Variants in HDGFL1 observed in about 807,000 individuals in gnomAD.
HDGFL1 encodes hepatoma-derived growth factor-like protein 1.
For missense variants in HDGFL1, 422 were observed against 365.3 expected, an observed-to-expected ratio of 1.16 and a Z score of -1.27; for synonymous variants, 190 against 165.1, an observed-to-expected ratio of 1.15 and a Z score of -1.16.
Position 22,571,617 on chromosome 6 carries a change from A to C in HDGFL1, c.*1286A>C, listed in dbSNP as rs185443030. 1 of 167,080 alleles carries C rather than the reference A, an allele frequency of 6.0e-6. No homozygotes were observed. Among genetic ancestry groups the C allele is most frequent in the Non-Finnish European group, 1.5e-5 (1 of 68,120 alleles). 10.3% of individuals were successfully genotyped at this position (167,080 alleles called of 1,614,324 possible). A position where few individuals can be genotyped will look rare whatever the true frequency, so the allele number is the denominator to read the frequency against. On this transcript the variant is annotated 3_prime_UTR_variant, in exon 1 of 1. Transcript: ENST00000510882. The stretch of plus-strand genomic sequence containing the variant: ...TTTCGGAAGTTTGATCTGAGAACCA[A>C]CCATAGAATGTTTCAGTTCTAGGAA...
chr6:22,569,584 C>T lies in HDGFL1; in HGVS notation c.9C>T (p.Ala3=). The part of the protein sequence containing the change: MS[A]YGMPMYKSGD... ...GGTCCGCAGAACCAGCTATGTCGGCCTACGGCATGCCCATGTACAAGAGCG... is the reference window on the plus strand; with the variant it reads ...GGTCCGCAGAACCAGCTATGTCGGCTTACGGCATGCCCATGTACAAGAGCG... The change falls in exon 1 of 1, where the codon GCC becomes GCT. Residue 3 remains alanine, a synonymous_variant. Coordinates refer to ENST00000510882, the MANE Select transcript of HDGFL1 (RefSeq NM_138574.4). 6.2e-7 allele frequency: 1 copy of T among 1,613,320 alleles called. No homozygotes were observed. The highest frequency in any genetic ancestry group is 8.5e-7 in the Non-Finnish European group (1 of 1,179,472).
In HDGFL1 at chr6:22,570,460, G is replaced by A. The variant is rs978613976; in HGVS notation, c.*129G>A. On this transcript the variant is annotated 3_prime_UTR_variant, in exon 1 of 1. Transcript: ENST00000510882. ...CTCAGCCCGTCCTCCTCCAACCCGCGCTCCTTTGCCCTGCCGGGCCCCAGG... is the reference window on the plus strand; with the variant it reads ...CTCAGCCCGTCCTCCTCCAACCCGCACTCCTTTGCCCTGCCGGGCCCCAGG... The A allele has an allele frequency of 4.9e-6, 5 of 1,025,542 alleles. No homozygotes were observed. The highest frequency in any genetic ancestry group is 3.3e-4 in the Middle Eastern group (1 of 3,042). 63.5% of individuals were successfully genotyped at this position (1,025,542 alleles called of 1,614,324 possible). A position where few individuals can be genotyped will look rare whatever the true frequency, so the allele number is the denominator to read the frequency against.
In HDGFL1 at chr6:22,571,127, G is replaced by A. The variant is rs62389456; in HGVS notation, c.*796G>A. The A allele has an allele frequency of 6.0e-6, 1 of 167,132 alleles. No homozygotes were observed. Among genetic ancestry groups the A allele is most frequent in the Non-Finnish European group, 1.5e-5 (1 of 68,208 alleles). 10.4% of individuals were successfully genotyped at this position (167,132 alleles called of 1,614,324 possible). A position where few individuals can be genotyped will look rare whatever the true frequency, so the allele number is the denominator to read the frequency against. On this transcript the variant is annotated 3_prime_UTR_variant, in exon 1 of 1. Coordinates refer to ENST00000510882, the MANE Select transcript of HDGFL1 (RefSeq NM_138574.4). ...AGATCTCTGGGGCCACTGATGGGATGCCCTGGGAAGATCCTTGGCTGCCGC... is the reference window on the plus strand; with the variant it reads ...AGATCTCTGGGGCCACTGATGGGATACCCTGGGAAGATCCTTGGCTGCCGC...
Position 22,570,609 on chromosome 6 carries a change from C to A in HDGFL1, c.*278C>A, listed in dbSNP as rs530870023. On this transcript the variant is annotated 3_prime_UTR_variant, in exon 1 of 1. Coordinates refer to ENST00000510882, the MANE Select transcript of HDGFL1 (RefSeq NM_138574.4). ...CAGCTTCCGGCTCCCTCTTCTCCCC[C>A]CTCTACCCGCCACCCCACCCCACCC... 4.5e-5 allele frequency: 17 copies of A among 381,846 alleles called. No individual in the cohort carries two copies. In the East Asian group the frequency reaches 6.3e-4, roughly 14 times the overall value. The allele number at this position is 381,846 out of a possible 1,614,324, so 23.7% of individuals were successfully genotyped here.
chr6:22,570,367 C>A lies in HDGFL1; in HGVS notation c.*36C>A. The A allele has an allele frequency of 2.1e-6, 3 of 1,421,552 alleles. No individual in the cohort carries two copies. The highest frequency in any genetic ancestry group is 9.2e-7 in the Non-Finnish European group (1 of 1,087,096). The allele number at this position is 1,421,552 out of a possible 1,614,324, so 88.1% of individuals were successfully genotyped here. ...TTCCAGAAGAGCCCCTGCCCCGTTC[C>A]TGCTGCGGCCTGGCCGTTCTTGGGG... is the stretch of plus-strand genomic sequence containing the variant. On this transcript the variant is annotated 3_prime_UTR_variant, in exon 1 of 1. Transcript: ENST00000510882.
chr6:22,570,406 C>T lies in HDGFL1; in HGVS notation c.*75C>T, dbSNP rs974725289. 1.9e-5 allele frequency: 26 copies of T among 1,364,970 alleles called. No homozygotes were observed. Among genetic ancestry groups the T allele is most frequent in the Non-Finnish European group, 2.2e-5 (23 of 1,040,774 alleles). The allele number at this position is 1,364,970 out of a possible 1,614,324, so 84.6% of individuals were successfully genotyped here. ...CCGTTCTTGGGGAATCTGACCACGG[C>T]GTGCAAACTGGGACTGCCTTTCCCT... On this transcript the variant is annotated 3_prime_UTR_variant, in exon 1 of 1. Transcript: ENST00000510882.
Position 22,570,649 on chromosome 6 carries a change from C to T in HDGFL1, c.*318C>T, listed in dbSNP as rs775110707. On this transcript the variant is annotated 3_prime_UTR_variant, in exon 1 of 1. Coordinates refer to ENST00000510882, the MANE Select transcript of HDGFL1 (RefSeq NM_138574.4). Reference sequence around the variant, plus strand: ...CCACCCCACCCCACCCCCGCCCACTCGTTGCCTGATTCCGTTTCCGACTTG... The same window carrying T: ...CCACCCCACCCCACCCCCGCCCACTTGTTGCCTGATTCCGTTTCCGACTTG... 1.8e-5 allele frequency: 6 copies of T among 335,826 alleles called. No individual in the cohort carries two copies. The highest frequency in any genetic ancestry group is 3.4e-5 in the Non-Finnish European group (6 of 178,476). The allele number at this position is 335,826 out of a possible 1,614,324, so 20.8% of individuals were successfully genotyped here. A position where few individuals can be genotyped will look rare whatever the true frequency, so the allele number is the denominator to read the frequency against.
rs752943892 is a variant in HDGFL1 at position 22,570,149 on chromosome 6, G to T, written c.574G>T (p.Asp192Tyr). 14 of 1,548,482 alleles carry T rather than the reference G, an allele frequency of 9.0e-6. No homozygotes were observed. The highest frequency in any genetic ancestry group is 1.1e-5 in the Non-Finnish European group (13 of 1,150,852). Residue 192 changes from aspartate to tyrosine, a missense_variant, in exon 1 of 1, where the codon GAC becomes TAC. Coordinates refer to ENST00000510882, the MANE Select transcript of HDGFL1 (RefSeq NM_138574.4). ...GGCGGCGGCGGCGGCGACGGCCGTC[G>T]ACGAGGAGAGTCCGTTCCTCGTGGC... ...AAAAAAATAV[D>Y]EESPFLVAVE...
rs754703825 is a variant in HDGFL1 at position 22,569,593 on chromosome 6, G to A, written c.18G>A (p.Met6Ile). MSAYG[M>I]PMYKSGDLVF... is the part of the protein sequence containing the mutation. The stretch of plus-strand genomic sequence containing the variant: ...AACCAGCTATGTCGGCCTACGGCAT[G>A]CCCATGTACAAGAGCGGGGACCTGG... Residue 6 changes from methionine (M) to isoleucine (I), a missense_variant, in exon 1 of 1, where the codon ATG (methionine) becomes ATA (isoleucine). Met to Ile is a conservative substitution (Grantham distance 10). Transcript: ENST00000510882. 41 of 1,613,806 alleles carry A rather than the reference G, an allele frequency of 2.5e-5. No individual in the cohort carries two copies. Among genetic ancestry groups the A allele is most frequent in the South Asian group, 4.4e-5 (4 of 91,082 alleles).
Position 22,570,423 on chromosome 6 carries a change from C to T in HDGFL1, c.*92C>T. On this transcript the variant is annotated 3_prime_UTR_variant, in exon 1 of 1. Transcript: ENST00000510882. ...GACCACGGCGTGCAAACTGGGACTG[C>T]CTTTCCCTCTCCTCAGCCCGTCCTC... 7.7e-7 allele frequency: 1 copy of T among 1,300,244 alleles called. No individual in the cohort carries two copies. The highest frequency in any genetic ancestry group is 1.0e-6 in the Non-Finnish European group (1 of 986,164). The allele number at this position is 1,300,244 out of a possible 1,614,324, so 80.5% of individuals were successfully genotyped here. A position where few individuals can be genotyped will look rare whatever the true frequency, so the allele number is the denominator to read the frequency against.
At position 22,571,494 on chromosome 6, in the gene HDGFL1, C is replaced by G. The variant is rs1760922946; in HGVS notation, c.*1163C>G. 6.0e-6 allele frequency: 1 copy of G among 167,142 alleles called. No homozygotes were observed. Among genetic ancestry groups the G allele is most frequent in the African/African-American group, 2.4e-5 (1 of 41,452 alleles). 10.4% of individuals were successfully genotyped at this position (167,142 alleles called of 1,614,324 possible). On this transcript the variant is annotated 3_prime_UTR_variant, in exon 1 of 1. Transcript: ENST00000510882. Reference sequence around the variant, plus strand: ...TAACAGAGGAAGATGTGTCTCCTCCCACCCTCTTCCTAATGGTCATTATGC... The same window carrying G: ...TAACAGAGGAAGATGTGTCTCCTCCGACCCTCTTCCTAATGGTCATTATGC...
rs1191527226 is a variant in HDGFL1, at chr6:22,570,439, G to A, written c.*108G>A. The stretch of plus-strand genomic sequence containing the variant: ...CTGGGACTGCCTTTCCCTCTCCTCA[G>A]CCCGTCCTCCTCCAACCCGCGCTCC... On this transcript the variant is annotated 3_prime_UTR_variant, in exon 1 of 1. Transcript: ENST00000510882. 830 of 1,218,254 alleles carry A rather than the reference G, an allele frequency of 6.8e-4. 4 individuals carry two copies. Among genetic ancestry groups the A allele is most frequent in the Non-Finnish European group, 6.8e-5 (62 of 918,390 alleles). 75.5% of individuals were successfully genotyped at this position (1,218,254 alleles called of 1,614,324 possible).
chr6:22,570,474 CCGGG>C lies in HDGFL1; in HGVS notation c.*145_*148del. On this transcript the variant is annotated 3_prime_UTR_variant, in exon 1 of 1. Transcript: ENST00000510882. ...CTCCAACCCGCGCTCCTTTGCCCTGCCGGGCCCCAGGATGGCAGGCCACCTGACT... is the reference window on the plus strand; with the variant it reads ...CTCCAACCCGCGCTCCTTTGCCCTGCCCCCAGGATGGCAGGCCACCTGACT... 1 of 869,506 alleles carries C rather than the reference CCGGG, an allele frequency of 1.2e-6. No homozygotes were observed. The highest frequency in any genetic ancestry group is 1.6e-6 in the Non-Finnish European group (1 of 621,656). The allele number at this position is 869,506 out of a possible 1,614,324, so 53.9% of individuals were successfully genotyped here. A position where few individuals can be genotyped will look rare whatever the true frequency, so the allele number is the denominator to read the frequency against.
chr6:22,570,105 C>T lies in HDGFL1; in HGVS notation c.530C>T (p.Ala177Val), dbSNP rs1267970439. The T allele has an allele frequency of 9.1e-6, 14 of 1,535,586 alleles. No homozygotes were observed. Among genetic ancestry groups the T allele is most frequent in the Middle Eastern group, 2.3e-4 (1 of 4,416 alleles). Residue 177 changes from alanine to valine, a missense_variant, in exon 1 of 1, where the codon GCG becomes GTG. Transcript: ENST00000510882. ...GAGGAGGCGGAGGCGGAGAGGGCGG[C>T]GGAAGCGGAGAGGGCGGCGGCGGCG... ...QEEEAEAERA[A>V]EAERAAAAAA...
At position 22,570,110 on chromosome 6, in the gene HDGFL1, G is replaced by A; in HGVS notation, c.535G>A (p.Ala179Thr). ...GGCGGAGGCGGAGAGGGCGGCGGAA[G>A]CGGAGAGGGCGGCGGCGGCGGCGGC... ...EEAEAERAAE[A>T]ERAAAAAAAT... is the part of the protein sequence containing the mutation. Residue 179 changes from alanine to threonine, a missense_variant, in exon 1 of 1, where the codon GCG (alanine) becomes ACG (threonine). Physicochemically the swap from Ala to Thr is moderately conservative, Grantham distance 58. Coordinates refer to ENST00000510882, the MANE Select transcript of HDGFL1 (RefSeq NM_138574.4). 1 of 1,534,668 alleles carries A rather than the reference G, an allele frequency of 6.5e-7. No homozygotes were observed. The highest frequency in any genetic ancestry group is 8.8e-7 in the Non-Finnish European group (1 of 1,141,378).
rs909099012 is a variant in HDGFL1 at position 22,570,203 on chromosome 6, C to G, written c.628C>G (p.Pro210Ala). Residue 210 changes from proline to alanine, a missense_variant, in exon 1 of 1, where the codon CCG becomes GCG. Transcript: ENST00000510882. The stretch of plus-strand genomic sequence containing the variant: ...GGAGAACGGCAGCGCCCCTAGCGAG[C>G]CGGGCCTGGTCTGCGAGCCGCCTCA... ...AVENGSAPSE[P>A]GLVCEPPQPE... 5.2e-5 allele frequency: 82 copies of G among 1,565,676 alleles called. No homozygotes were observed. Among genetic ancestry groups the G allele is most frequent in the Non-Finnish European group, 6.9e-5 (80 of 1,160,864 alleles).
chr6:22,569,856 C>T lies in HDGFL1; in HGVS notation c.281C>T (p.Pro94Leu), dbSNP rs202131804. 2 of 1,600,484 alleles carry T rather than the reference C, an allele frequency of 1.2e-6. No homozygotes were observed. The highest frequency in any genetic ancestry group is 1.7e-6 in the Non-Finnish European group (2 of 1,173,576). Residue 94 changes from proline (P) to leucine (L), a missense_variant, in exon 1 of 1, where the codon CCA (proline) becomes CTA (leucine). Coordinates refer to ENST00000510882, the MANE Select transcript of HDGFL1 (RefSeq NM_138574.4). ...CCCACGGTCCAGGCCTCCGACTGCC[C>T]ATTAGCCTCAGAGAAGGGCAGCGGA... is the stretch of plus-strand genomic sequence containing the variant. ...NNPTVQASDC[P>L]LASEKGSGDG...
rs765403858 is a variant in HDGFL1, at chr6:22,570,133, G to T, written c.558G>T (p.Ala186=). The change falls in exon 1 of 1, where the codon GCG becomes GCT. Residue 186 remains alanine (A), a synonymous_variant. Coordinates refer to ENST00000510882, the MANE Select transcript of HDGFL1 (RefSeq NM_138574.4). ...AAEAERAAAA[A]AATAVDEESP... is the part of the protein sequence containing the mutation. ...AAGCGGAGAGGGCGGCGGCGGCGGCGGCGGCGACGGCCGTCGACGAGGAGA... is the reference window on the plus strand; with the variant it reads ...AAGCGGAGAGGGCGGCGGCGGCGGCTGCGGCGACGGCCGTCGACGAGGAGA... The T allele has an allele frequency of 7.8e-6, 12 of 1,536,850 alleles. No individual in the cohort carries two copies. Among genetic ancestry groups the T allele is most frequent in the Non-Finnish European group, 1.0e-5 (12 of 1,144,750 alleles).
Position 22,570,140 on chromosome 6 carries a change from A to G in HDGFL1, c.565A>G (p.Thr189Ala), listed in dbSNP as rs1389488879. Residue 189 changes from threonine (T) to alanine (A), a missense_variant, in exon 1 of 1, where the codon ACG (threonine) becomes GCG (alanine). By Grantham distance (58) the Thr-to-Ala change is moderately conservative (BLOSUM62 0). Transcript: ENST00000510882. ...AERAAAAAAA[T>A]AVDEESPFLV... Reference sequence around the variant, plus strand: ...GAGGGCGGCGGCGGCGGCGGCGGCGACGGCCGTCGACGAGGAGAGTCCGTT... The same window carrying G: ...GAGGGCGGCGGCGGCGGCGGCGGCGGCGGCCGTCGACGAGGAGAGTCCGTT... The G allele has an allele frequency of 2.6e-5, 39 of 1,521,382 alleles. No homozygotes were observed. The highest frequency in any genetic ancestry group is 1.7e-4 in the African/African-American group (12 of 70,408). 94.2% of individuals were successfully genotyped at this position (1,521,382 alleles called of 1,614,324 possible).
Sources: allele counts gnomAD v4.1 joint callset, GRCh38; gene constraint gnomAD v4.1.1; transcripts MANE v1.5; gene names NCBI Gene and HGNC (gene_info 2026-07-23, HGNC 2026-07-21).